ZNF292: variants seen among roughly 807,000 people sequenced by gnomAD.
ZNF292 encodes zinc finger protein 292.
In ZNF292, 26 loss-of-function variants were observed where a neutral mutation model predicts 217.9. The ratio of observed to expected loss-of-function variants is 0.12; its 90% confidence interval spans 0.09 to 0.17. The LOEUF (loss-of-function observed/expected upper bound fraction) is 0.17, where lower values mean the gene tolerates loss of function less well. ZNF292 is among the 10% of genes least tolerant of loss of function. ZNF292 has a pLI of 1.00. For synonymous variants in ZNF292, 1,257 were observed against 1,124.1 expected (o/e 1.12, Z -2.37); for missense variants, 2,904 against 3,175.2 (o/e 0.91, Z 2.05).
intron 4 of ZNF292, chr6:87,224,034 T>C (rs1172256017): frequency 6.6e-6 from 1 of 152,256 alleles, no homozygotes; most frequent in African/African-American, 2.4e-5. Context: ...TGTCATGTAA[T>C]TGGAATCATA....
chr6:87,239,536 C>T (rs1236376954), intron 5 of ZNF292, among the ~76,000 whole-genome samples: 4 of 139,650 alleles, frequency 2.9e-5, no homozygotes, highest in South Asian at 2.4e-4. Flanking sequence ...GCGGGGGCTG[C>T]CCCCCACCTC....
rs778823856 is a variant in ZNF292 at position 87,256,629 on chromosome 6, T to G, written c.3000T>G (p.Val1000=). ...AAGATTGCTTTAATGATGCCCATGT[T>G]ACTCAGAATTCTTTAGTAAATTCAG... ...KEQDCFNDAH[V]TQNSLVNSET... The change falls in exon 8 of 8, where the codon GTT becomes GTG. Residue 1000 remains valine, a synonymous_variant. Transcript: ENST00000369577. 2.5e-6 allele frequency: 4 copies of G among 1,613,582 alleles called. No homozygotes were observed. The highest frequency in any genetic ancestry group is 1.7e-6 in the Non-Finnish European group (2 of 1,179,850).
intron 1 of ZNF292, among the ~76,000 whole-genome samples, chr6:87,158,129 CAAAA>C (rs532438167): frequency 1.3e-5 from 2 of 152,074 alleles, no homozygotes; most frequent in South Asian, 4.1e-4. Flanking sequence ...ATGCTACTGA[CAAAA>C]AAACATCAAA....
chr6:87,215,436 TA>T (rs1417536176), intron 1 of ZNF292, among the ~76,000 whole-genome samples: 9 of 152,200 alleles, frequency 5.9e-5, no homozygotes, highest in Admixed American at 1.3e-4. Context: ...TATGTACTGT[TA>T]TTTTTTTATG....
chr6:87,158,787 C>G (rs1160418091), intron 1 of ZNF292, among the ~76,000 whole-genome samples: 1 of 152,214 alleles, frequency 6.6e-6, no homozygotes, highest in Non-Finnish European at 1.5e-5. Context: ...TTGGCGCAAT[C>G]TAAATATAGT....
intron 1 of ZNF292, among the ~76,000 whole-genome samples, chr6:87,191,771 A>G (rs1391262773): frequency 1.3e-5 from 2 of 152,138 alleles, no homozygotes; most frequent in African/African-American, 2.4e-5. Flanking sequence ...GGTTCAAGCG[A>G]TTCTGGCTCA....
In ZNF292 at chr6:87,254,709, G is replaced by A; in HGVS notation, c.1080G>A (p.Glu360=). Residue 360 remains glutamate (E), a synonymous_variant, in exon 8 of 8, where the codon GAG becomes GAA. Transcript: ENST00000369577. ...TGTGTGTAAAGGCTCTTCGCTTGGA[G>A]TCTACAGAAAATACTGAAGTGAAAA... ...IELCVKALRL[E]STENTEVKIS... The A allele has an allele frequency of 6.2e-7, 1 of 1,613,956 alleles. No homozygotes were observed. Among genetic ancestry groups the A allele is most frequent in the Non-Finnish European group, 8.5e-7 (1 of 1,179,834 alleles).
intron 1 of ZNF292, among the ~76,000 whole-genome samples, chr6:87,194,311 C>T (rs1464961800): frequency 6.6e-6 from 1 of 150,606 alleles, no homozygotes; most frequent in African/African-American, 2.5e-5. Context: ...TGTTTACAAG[C>T]ACTTTTTAAT....
intron 1 of ZNF292, among the ~76,000 whole-genome samples, chr6:87,208,726 G>A (rs1772351615): frequency 6.6e-6 from 1 of 152,046 alleles, no homozygotes; most frequent in African/African-American, 2.4e-5. Context: ...GTTCATGTAT[G>A]ACATTTGTTG....
At chr6:87,166,245 A>G (rs1239909082) in intron 1 of ZNF292, among the ~76,000 whole-genome samples, 1 of 152,122 alleles carries the variant, frequency 6.6e-6, no homozygotes, top group Non-Finnish European at 1.5e-5. Context: ...CTCCCTTTAA[A>G]TTTATTAATT....
chr6:87,167,968 A>G (rs774175569), intron 1 of ZNF292, among the ~76,000 whole-genome samples: 14 of 152,304 alleles, frequency 9.2e-5, no homozygotes, highest in East Asian at 1.9e-4. Context: ...GAAGGCACCT[A>G]TCCTCACTCA....
chr6:87,234,188 G>A (rs1582467566), intron 5 of ZNF292, among the ~76,000 whole-genome samples: 1 of 152,190 alleles, frequency 6.6e-6, no homozygotes. Context: ...TCAAAAGGAA[G>A]TTGGAAACAG....
intron 7 of ZNF292, among the ~76,000 whole-genome samples, chr6:87,246,216 G>A (rs546708303): frequency 1.3e-5 from 2 of 152,158 alleles, no homozygotes; most frequent in African/African-American, 2.4e-5. Context: ...GGGCAACAGA[G>A]CGAGACTCCA....
At chr6:87,168,674 T>A (rs1352031280) in intron 1 of ZNF292, among the ~76,000 whole-genome samples, 1 of 152,146 alleles carries the variant, frequency 6.6e-6, no homozygotes, top group Non-Finnish European at 1.5e-5. Context: ...TTCACCATGT[T>A]CGCCAGGCTG....
At chr6:87,239,351 G>GC (rs1200373798) in intron 5 of ZNF292, among the ~76,000 whole-genome samples, 1 of 143,476 alleles carries the variant, frequency 7.0e-6, no homozygotes, top group East Asian at 2.2e-4. Flanking sequence ...GGCGGGGGCT[G>GC]CCCCCCACCT....
Position 87,256,871 on chromosome 6 carries a change from G to C in ZNF292, c.3242G>C (p.Ser1081Thr). Residue 1081 changes from serine to threonine, a missense_variant, in exon 8 of 8, where the codon AGT becomes ACT. This residue lies in a region of ZNF292 where 687 missense variants were observed against 623.0 expected (regional missense o/e 1.10). Transcript: ENST00000369577. ...IAFVPPQSDL[S>T]NSLGTPSVPP... ...TTTGTTCCACCGCAGTCCGACCTAA[G>C]TAATTCATTAGGAACTCCATCAGTG... 6.2e-7 allele frequency: 1 copy of C among 1,613,798 alleles called. No homozygotes were observed. The highest frequency in any genetic ancestry group is 8.5e-7 in the Non-Finnish European group (1 of 1,179,814).
chr6:87,255,103 AC>A lies in ZNF292; in HGVS notation c.1475del (p.Thr492IlefsTer3). 1 of 1,613,658 alleles carries A rather than the reference AC, an allele frequency of 6.2e-7. No individual in the cohort carries two copies. Among genetic ancestry groups the A allele is most frequent in the Non-Finnish European group, 8.5e-7 (1 of 1,179,832 alleles). ...VVDYQEESKE[T>X]SMNGLSGGVG... ...AGACTACCAAGAAGAGAGTAAAGAA[AC>A]TTCTATGAATGGGCTTTCTGGTGGA... On this transcript the variant is annotated frameshift_variant, in exon 8 of 8. Transcript: ENST00000369577. LOFTEE classifies it high-confidence loss of function.
At chr6:87,230,745 AAAAG>A (rs1054361394) in intron 4 of ZNF292, among the ~76,000 whole-genome samples, 3 of 151,968 alleles carry the variant, frequency 2.0e-5, no homozygotes, top group Admixed American at 1.3e-4. Flanking sequence ...AAAAAAAAAA[AAAAG>A]AAAGTGACAT....
At chr6:87,215,880 T>G (rs746999961) in intron 1 of ZNF292, 23 bp from the exon 2 acceptor site, 1 of 1,548,280 alleles carries the variant, frequency 6.5e-7, no homozygotes, top group Admixed American at 2.2e-5. Context: ...TTTGAATACT[T>G]TTTATTATTC....
Sources: gnomAD v4.1 joint callset for allele counts (sites outside exome capture counted in the v4.1 genomes callset) on GRCh38, gnomAD v4.1.1 for gene constraint, gnomAD v4.1.1 regional missense constraint, MANE v1.5 for transcripts, NCBI Gene and HGNC (gene_info 2026-07-23, HGNC 2026-07-21) for gene names.